The following MRE11 variants were observed in gnomAD, a reference collection of about 807,000 sequenced individuals.
MRE11 encodes the protein MRE11 double strand break repair nuclease, also known as double-strand break repair protein MRE11.
A neutral mutation model predicts 91.7 loss-of-function variants in MRE11; 62 were observed. The observed-to-expected ratio is 0.68, with a 90% confidence interval of 0.55 to 0.84. MRE11 has a LOEUF of 0.84. MRE11 is among the 40% of genes least tolerant of loss of function. The probability of loss-of-function intolerance (pLI) is 0.00; values close to 1 mark genes in which losing one functional copy is unlikely to be tolerated. For synonymous variants in MRE11, 273 were observed against 271.4 expected (o/e 1.01, Z -0.06); for missense variants, 796 against 852.9 (o/e 0.93, Z 0.83).
At position 94,447,252 on chromosome 11, in the gene MRE11, A is replaced by T; in HGVS notation, c.1750T>A (p.Ser584Thr). 1 of 1,613,864 alleles carries T rather than the reference A, an allele frequency of 6.2e-7. No individual in the cohort carries two copies. The highest frequency in any genetic ancestry group is 2.2e-5 in the East Asian group (1 of 44,882). Residue 584 changes from serine (S) to threonine (T), a missense_variant, in exon 15 of 20, where the codon TCA becomes ACA. Transcript: ENST00000323929. ...RGRRGGRGQN[S>T]ASRGGSQRGR... ...CTTTGAGACCCTCCTCTCGATGCTG[A>T]ATTCTGCCCTCTTCCACCTCTTCGA...
intron 4 of MRE11, among the ~76,000 whole-genome samples, chr11:94,483,561 C>A (rs1288620167): frequency 1.3e-5 from 2 of 152,198 alleles, no homozygotes; most frequent in East Asian, 3.8e-4. Flanking sequence ...CCATGTAAGA[C>A]GTGACTTGCT....
At chr11:94,469,113 G>C (rs1163779004) in intron 9 of MRE11, among the ~76,000 whole-genome samples, 2 of 151,668 alleles carry the variant, frequency 1.3e-5, no homozygotes, top group African/African-American at 4.9e-5. Context: ...GTGCACACCT[G>C]GTGTTTAAAA....
the MRE11 span, among the ~76,000 whole-genome samples, chr11:94,503,015 C>A: frequency 6.6e-6 from 1 of 152,086 alleles, no homozygotes. Context: ...TGTAAGATTC[C>A]ATACTTATGT....
chr11:94,479,910 T>C lies in MRE11; in HGVS notation c.315-149A>G, dbSNP rs998348411. 28 of 654,192 alleles carry C rather than the reference T, an allele frequency of 4.3e-5. 1 individual carries two copies. The Admixed American group carries it at 7.5e-4, about 17-fold the overall frequency. The allele number at this position is 654,192 out of a possible 1,614,324, so 40.5% of individuals were successfully genotyped here. A position where few individuals can be genotyped will look rare whatever the true frequency, so the allele number is the denominator to read the frequency against. On this transcript the variant is annotated intron_variant, in intron 4 of 19. Transcript: ENST00000323929. Reference sequence around the variant, plus strand: ...TAGTTTAGAGCTTTAAAAAATAAAATCATAGGCGACAATTCATTTCAATTA... The same window carrying C: ...TAGTTTAGAGCTTTAAAAAATAAAACCATAGGCGACAATTCATTTCAATTA...
intron 14 of MRE11, 57 bp from the exon 15 acceptor site, chr11:94,447,495 A>G: frequency 1.3e-6 from 2 of 1,522,844 alleles, no homozygotes; most frequent in Non-Finnish European, 1.8e-6. Flanking sequence ...CATCCTAAAA[A>G]TCATTAATTT....
intron 19 of MRE11, among the ~76,000 whole-genome samples, chr11:94,423,640 A>C (rs1476184785): frequency 6.6e-6 from 1 of 152,202 alleles, no homozygotes; most frequent in Non-Finnish European, 1.5e-5. Context: ...GCCCTGCAGG[A>C]ATGTGTGCAC....
intron 3 of MRE11, among the ~76,000 whole-genome samples, chr11:94,488,269 AC>A (rs752264369): frequency 3.9e-5 from 6 of 152,176 alleles, no homozygotes; most frequent in Non-Finnish European, 7.4e-5. Context: ...GGAAAAATGC[AC>A]CTTACATTCT....
At chr11:94,497,986 TTAAA>T (rs1947440561), upstream of MRE11, 5 of 1,048,014 alleles carry the variant, frequency 4.8e-6, no homozygotes, top group Middle Eastern at 3.2e-4. Flanking sequence ...TTCAACTTAA[TTAAA>T]TCTAACACCA....
rs754522007 is a variant in MRE11, at chr11:94,464,209, T to C, written c.1129A>G (p.Ser377Gly). The change falls in exon 11 of 20, where the codon AGT becomes GGT. Residue 377 changes from serine to glycine, a missense_variant. By Grantham distance (56) the Ser-to-Gly change is moderately conservative. Coordinates refer to ENST00000323929, the MANE Select transcript of MRE11 (RefSeq NM_005591.4). Reference protein sequence around the residue: ...VDYSGGFEPFSVLRFSQKFVD... With the variant: ...VDYSGGFEPFGVLRFSQKFVD... ...AATTTCTGGCTAAAGCGAAGAACACTGAAAGGTTCAAAACCTCCACTATAG... is the reference window on the plus strand; with the variant it reads ...AATTTCTGGCTAAAGCGAAGAACACCGAAAGGTTCAAAACCTCCACTATAG... The C allele has an allele frequency of 6.2e-6, 10 of 1,613,860 alleles. No homozygotes were observed. In the African/African-American group the frequency reaches 1.1e-4, roughly 17 times the overall value.
intron 18 of MRE11, among the ~76,000 whole-genome samples, chr11:94,430,549 C>T (rs1351985466): frequency 6.6e-6 from 1 of 150,866 alleles, no homozygotes; most frequent in Non-Finnish European, 1.5e-5. Context: ...AGCACCATCT[C>T]GGCTCACTGC....
intron 7 of MRE11, 89 bp downstream of exon 7, chr11:94,476,200 T>C: frequency 2.5e-6 from 2 of 789,756 alleles, no homozygotes; most frequent in South Asian, 2.9e-5. Context: ...CTTGAAAGAT[T>C]AAGGGCATTT....
intron 16 of MRE11, among the ~76,000 whole-genome samples, chr11:94,438,374 T>C (rs1945682332): frequency 6.6e-6 from 1 of 152,210 alleles, no homozygotes; most frequent in Non-Finnish European, 1.5e-5. Flanking sequence ...TGTTTGCACA[T>C]GTTTCCTATT....
intron 7 of MRE11, 91 bp from the exon 8 acceptor site, chr11:94,471,850 A>G (rs1946725272): frequency 1.9e-6 from 2 of 1,064,554 alleles, no homozygotes; most frequent in Non-Finnish European, 2.7e-6. Context: ...TCCATTCACT[A>G]AAGATTTTAT....
At chr11:94,483,281 C>T (rs1420338668) in intron 4 of MRE11, among the ~76,000 whole-genome samples, 1 of 152,076 alleles carries the variant, frequency 6.6e-6, no homozygotes, top group Non-Finnish European at 1.5e-5. Flanking sequence ...CTGGGCAACA[C>T]AGTGAGACCC....
chr11:94,503,826 C>CA, the MRE11 span, among the ~76,000 whole-genome samples: 55,419 of 86,974 alleles, frequency 0.64, 17,596 homozygotes, highest in Non-Finnish European at 0.7. Flanking sequence ...GACTCCGTCT[C>CA]AAAAAAAAAA....
chr11:94,454,073 ATTTT>A (rs763249653), intron 14 of MRE11, among the ~76,000 whole-genome samples: 2 of 138,728 alleles, frequency 1.4e-5, no homozygotes, highest in Admixed American at 7.2e-5. Flanking sequence ...TGAACAAAAG[ATTTT>A]TTTTTTTTTT....
chr11:94,441,399 G>A (rs553556331), intron 16 of MRE11, among the ~76,000 whole-genome samples: 23 of 152,232 alleles, frequency 1.5e-4, no homozygotes, highest in African/African-American at 4.1e-4. Flanking sequence ...AGAAACAAAC[G>A]TGAATCTTCT....
chr11:94,498,597 T>A, upstream of MRE11: 2 of 1,364,332 alleles, frequency 1.5e-6, no homozygotes, highest in Non-Finnish European at 2.0e-6. Context: ...TGTATTCCCA[T>A]AATCAAAGTT....
chr11:94,477,643 G>C (rs997282247), intron 6 of MRE11, among the ~76,000 whole-genome samples: 1 of 152,130 alleles, frequency 6.6e-6, no homozygotes, highest in Non-Finnish European at 1.5e-5. Flanking sequence ...CATGTAACTG[G>C]AGACAAAAAA....
Sources: gnomAD v4.1 joint callset for allele counts (sites outside exome capture counted in the v4.1 genomes callset) on GRCh38, gnomAD v4.1.1 for gene constraint, MANE v1.5 for transcripts, NCBI Gene and HGNC (gene_info 2026-07-23, HGNC 2026-07-21) for gene names.